PDE1A: variants seen among roughly 807,000 people sequenced by gnomAD.
PDE1A encodes dual specificity calcium/calmodulin-dependent 3',5'-cyclic nucleotide phosphodiesterase 1A.
In PDE1A, 35 loss-of-function variants were observed where a neutral mutation model predicts 61.7. The ratio of observed to expected loss-of-function variants is 0.57; its 90% confidence interval spans 0.43 to 0.75. The LOEUF (loss-of-function observed/expected upper bound fraction) is 0.75. Among genes scored for constraint, PDE1A ranks in the 30% least tolerant of loss-of-function variants. The probability of loss-of-function intolerance (pLI) is 0.00; values close to 1 mark genes in which losing one functional copy is unlikely to be tolerated. For missense variants in PDE1A, 597 were observed against 630.6 expected (o/e 0.95, Z 0.57); for synonymous variants, 232 against 213.2 (o/e 1.09, Z -0.77).
intron 2 of PDE1A, among the ~76,000 whole-genome samples, chr2:182,441,918 TG>T (rs1431110005): frequency 2.6e-5 from 4 of 152,078 alleles, no homozygotes; most frequent in African/African-American, 9.6e-5. Context: ...AAAAAATAAA[TG>T]AATGAATACA....
chr2:182,236,834 T>C (rs1190137788), intron 3 of PDE1A, among the ~76,000 whole-genome samples: 3 of 152,158 alleles, frequency 2.0e-5, no homozygotes, highest in Non-Finnish European at 4.4e-5. Context: ...CAATATACTT[T>C]CTCATTACAT....
At chr2:182,480,159 T>C (rs1687616347) in intron 2 of PDE1A, among the ~76,000 whole-genome samples, 1 of 151,936 alleles carries the variant, frequency 6.6e-6, no homozygotes, top group African/African-American at 2.4e-5. Context: ...AGTTTCTTTA[T>C]GACAAAAACA....
chr2:182,329,796 A>C (rs913463499), intron 1 of PDE1A, among the ~76,000 whole-genome samples: 19 of 152,148 alleles, frequency 1.2e-4, no homozygotes, highest in Non-Finnish European at 2.9e-5. Context: ...CTTCATACTA[A>C]TTATCTCCAC....
At chr2:182,395,106 A>G (rs948455248) in intron 1 of PDE1A, among the ~76,000 whole-genome samples, 16 of 152,136 alleles carry the variant, frequency 1.1e-4, no homozygotes, top group Non-Finnish European at 2.4e-4. Flanking sequence ...ACAAATTAAC[A>G]TATTTCCTGG....
At chr2:182,275,302 T>C (rs886363700) in intron 1 of PDE1A, among the ~76,000 whole-genome samples, 7 of 152,048 alleles carry the variant, frequency 4.6e-5, no homozygotes, top group African/African-American at 1.7e-4. Context: ...GGGAGAGGAA[T>C]GCCCTGGCTT....
chr2:182,604,036 A>T, the PDE1A span, among the ~76,000 whole-genome samples: 23,526 of 151,956 alleles, frequency 0.15, 2,101 homozygotes, highest in African/African-American at 0.24. Flanking sequence ...TAAAAAAAAA[A>T]TTCATACACT....
chr2:182,533,836 A>G, the PDE1A span, among the ~76,000 whole-genome samples: 2 of 152,138 alleles, frequency 1.3e-5, no homozygotes, highest in Admixed American at 1.3e-4. Context: ...GGATCACCAG[A>G]TTAAATAAAA....
intron 2 of PDE1A, among the ~76,000 whole-genome samples, chr2:182,256,077 A>C (rs796477144): frequency 5.5e-5 from 3 of 54,914 alleles, no homozygotes; most frequent in Non-Finnish European, 7.9e-5. Flanking sequence ...TTTTTCTTTT[A>C]TTTTTCTTTC....
At chr2:182,651,445 T>C in the PDE1A span, among the ~76,000 whole-genome samples, 1 of 152,244 alleles carries the variant, frequency 6.6e-6, no homozygotes, top group Non-Finnish European at 1.5e-5. Flanking sequence ...ATGATCTTTT[T>C]CCTCCCAAGA....
chr2:182,174,205 G>A (rs1284407625), intron 13 of PDE1A, among the ~76,000 whole-genome samples: 1 of 151,948 alleles, frequency 6.6e-6, no homozygotes, highest in Non-Finnish European at 1.5e-5. Flanking sequence ...CAGTCCTAAA[G>A]GCGATTTGAA....
chr2:182,419,568 C>T (rs1703144194), intron 1 of PDE1A, among the ~76,000 whole-genome samples: 1 of 152,060 alleles, frequency 6.6e-6, no homozygotes, highest in African/African-American at 2.4e-5. Context: ...CCTAGTATAC[C>T]TCTTGGATGT....
chr2:182,493,550 T>C (rs1458121229), intron 2 of PDE1A, among the ~76,000 whole-genome samples: 1 of 152,144 alleles, frequency 6.6e-6, no homozygotes, highest in Non-Finnish European at 1.5e-5. Flanking sequence ...AGAAATACCA[T>C]TTGACCCAGC....
At chr2:182,586,877 A>G in the PDE1A span, among the ~76,000 whole-genome samples, 25 of 152,368 alleles carry the variant, frequency 1.6e-4, no homozygotes, top group Middle Eastern at 6.8e-3. Context: ...TGGTTGCCCT[A>G]TCCTAAAGTC....
At chr2:182,486,421 CT>C (rs1236544312) in intron 2 of PDE1A, among the ~76,000 whole-genome samples, 1 of 151,780 alleles carries the variant, frequency 6.6e-6, no homozygotes, top group African/African-American at 2.4e-5. Flanking sequence ...CCCCACCAGG[CT>C]TTTTTTGTAG....
the PDE1A span, among the ~76,000 whole-genome samples, chr2:182,591,922 T>G: frequency 6.6e-6 from 1 of 152,370 alleles, no homozygotes; most frequent in African/African-American, 2.4e-5. Context: ...TTAGGACACC[T>G]ACCAGTGCTC....
the PDE1A span, among the ~76,000 whole-genome samples, chr2:182,713,885 A>T: frequency 6.6e-6 from 1 of 152,128 alleles, no homozygotes; most frequent in Non-Finnish European, 1.5e-5. Flanking sequence ...CCATTTCCTC[A>T]GCTCCTAGCC....
intron 1 of PDE1A, among the ~76,000 whole-genome samples, chr2:182,306,166 A>G (rs527306452): frequency 4.9e-4 from 74 of 152,234 alleles, no homozygotes; most frequent in Non-Finnish European, 8.1e-4. Flanking sequence ...TTTACTTAGC[A>G]TAATGCTCTC....
At chr2:182,458,508 T>C (rs1464566217) in intron 2 of PDE1A, among the ~76,000 whole-genome samples, 1 of 152,038 alleles carries the variant, frequency 6.6e-6, no homozygotes, top group South Asian at 2.1e-4. Flanking sequence ...GTGAGGGGGA[T>C]ATAGAGTGAC....
the PDE1A span, among the ~76,000 whole-genome samples, chr2:182,624,906 A>G: frequency 6.6e-6 from 1 of 152,000 alleles, no homozygotes. Context: ...GCTGCCCCCT[A>G]CAATTCCACC....
Sources: allele counts gnomAD v4.1 joint callset (sites outside exome capture counted in the v4.1 genomes callset), GRCh38; gene constraint gnomAD v4.1.1; transcripts MANE v1.5; gene names NCBI Gene and HGNC (gene_info 2026-07-23, HGNC 2026-07-21).